The following DLG2 variants were observed in gnomAD, a reference collection of about 807,000 sequenced individuals.
The protein encoded by DLG2 is discs large MAGUK scaffold protein 2, also known as disks large homolog 2.
DLG2 carries 45 observed loss-of-function variants against 132.5 expected under a neutral mutation model. The ratio of observed to expected loss-of-function variants is 0.34; its 90% CI spans 0.27 to 0.44. The LOEUF (loss-of-function observed/expected upper bound fraction) is 0.44. DLG2 is among the 20% of genes least tolerant of loss of function. The probability of loss-of-function intolerance (pLI) is 1.00; values close to 1 mark genes in which losing one functional copy is unlikely to be tolerated. For missense variants in DLG2, 1,045 were observed against 1,196.9 expected (o/e 0.87, Z 1.87); for synonymous variants, 424 against 419.6 (o/e 1.01, Z -0.13).
intron 9 of DLG2, among the ~76,000 whole-genome samples, chr11:84,127,930 C>T (rs2094252567): frequency 6.6e-6 from 1 of 152,172 alleles, no homozygotes; most frequent in Non-Finnish European, 1.5e-5. Flanking sequence ...ACTTCAACAT[C>T]TTTTGGGAGG....
intron 3 of DLG2, among the ~76,000 whole-genome samples, chr11:85,334,650 T>C (rs2082003811): frequency 6.6e-6 from 1 of 152,134 alleles, no homozygotes; most frequent in South Asian, 2.1e-4. Context: ...TTCTAAAGAA[T>C]TGTTTGATTT....
At chr11:84,615,004 A>G (rs1225585650) in intron 6 of DLG2, among the ~76,000 whole-genome samples, 1 of 152,168 alleles carries the variant, frequency 6.6e-6, no homozygotes, top group Non-Finnish European at 1.5e-5. Context: ...CTCTTAAGTG[A>G]AAGCCACACT....
intron 5 of DLG2, among the ~76,000 whole-genome samples, chr11:85,135,110 T>G (rs2076059262): frequency 6.6e-6 from 1 of 152,214 alleles, no homozygotes; most frequent in South Asian, 2.1e-4. Flanking sequence ...CCTTATATCT[T>G]TATGTACCAG....
chr11:83,909,792 G>T (rs1213707522), intron 15 of DLG2, among the ~76,000 whole-genome samples: 6 of 152,118 alleles, frequency 3.9e-5, no homozygotes, highest in Non-Finnish European at 1.5e-5. Flanking sequence ...AGACAGTATT[G>T]CTCAAGGGTT....
chr11:84,639,240 G>A (rs2099648053), intron 6 of DLG2, among the ~76,000 whole-genome samples: 1 of 151,390 alleles, frequency 6.6e-6, no homozygotes, highest in South Asian at 2.1e-4. Flanking sequence ...GTTATTTTTT[G>A]AAATTGTTCA....
chr11:84,074,506 C>G (rs1279180040), intron 10 of DLG2, among the ~76,000 whole-genome samples: 1 of 151,690 alleles, frequency 6.6e-6, no homozygotes, highest in Non-Finnish European at 1.5e-5. Flanking sequence ...AATATATTCT[C>G]TAGACGGAAA....
intron 6 of DLG2, among the ~76,000 whole-genome samples, chr11:84,573,560 A>G (rs1056152803): frequency 1.3e-5 from 2 of 152,192 alleles, no homozygotes; most frequent in Admixed American, 1.3e-4. Context: ...CTGCTGAGAA[A>G]AAAAAGTTAT....
chr11:84,112,681 G>A (rs1208419545), intron 9 of DLG2, among the ~76,000 whole-genome samples: 2 of 152,064 alleles, frequency 1.3e-5, no homozygotes, highest in Non-Finnish European at 2.9e-5. Context: ...ATGGTAACAT[G>A]CGATTAACCA....
intron 17 of DLG2, among the ~76,000 whole-genome samples, chr11:83,803,186 T>G (rs1394021288): frequency 6.6e-6 from 1 of 152,150 alleles, no homozygotes; most frequent in Non-Finnish European, 1.5e-5. Flanking sequence ...GCCTTCTTTG[T>G]GCCAGTCATT....
At chr11:85,452,225 G>C (rs972924087) in intron 3 of DLG2, 1 of 151,574 alleles carries the variant, frequency 6.6e-6, no homozygotes, top group African/African-American at 2.4e-5. Flanking sequence ...CAAACATCTT[G>C]GGAAAAACAG....
At position 84,773,200 on chromosome 11, in the gene DLG2, G is replaced by T. The variant is rs185533150; in HGVS notation, c.358-238469C>A. Among the ~76,000 whole-genome samples the T allele has an allele frequency of 3.0e-3, 450 of 152,184 alleles. 3 individuals carry two copies. The highest frequency in any genetic ancestry group is 4.2e-3 in the Non-Finnish European group (287 of 68,006). ...TCTAAAGGAAATGGATAAATTCTTG[G>T]AAACATACAACCTCCCAAGAGTGAA... On this transcript the variant is annotated intron_variant, in intron 6 of 27. Coordinates refer to ENST00000376104, the MANE Select transcript of DLG2 (RefSeq NM_001142699.3).
chr11:83,739,252 C>A (rs1301437793), intron 18 of DLG2, among the ~76,000 whole-genome samples: 1 of 152,074 alleles, frequency 6.6e-6, no homozygotes, highest in Non-Finnish European at 1.5e-5. Flanking sequence ...CCATAAGAAT[C>A]TTTTGTGCTA....
chr11:84,292,542 T>C (rs1482406371), intron 7 of DLG2, among the ~76,000 whole-genome samples: 2 of 152,184 alleles, frequency 1.3e-5, no homozygotes, highest in African/African-American at 4.8e-5. Context: ...AGCAAGCCCT[T>C]TGGCTGCCTA....
intron 4 of DLG2, among the ~76,000 whole-genome samples, chr11:85,194,296 G>A (rs1412763374): frequency 1.3e-5 from 2 of 152,118 alleles, no homozygotes; most frequent in Non-Finnish European, 2.9e-5. Flanking sequence ...CCAACTCCAA[G>A]CCAATCTTAG....
chr11:84,782,438 C>CCA (rs10599798), intron 6 of DLG2, among the ~76,000 whole-genome samples: 6,087 of 147,996 alleles, frequency 0.041, 149 homozygotes, highest in Middle Eastern at 0.083. Context: ...ACTACCCCTA[C>CCA]CACACACACA....
intron 6 of DLG2, among the ~76,000 whole-genome samples, chr11:84,665,222 A>T (rs1222628480): frequency 1.3e-5 from 2 of 152,156 alleles, no homozygotes; most frequent in African/African-American, 4.8e-5. Context: ...GATAATGATG[A>T]TATATAATAG....
chr11:84,613,930 C>T (rs1457994466), intron 6 of DLG2, among the ~76,000 whole-genome samples: 1 of 152,062 alleles, frequency 6.6e-6, no homozygotes, highest in Non-Finnish European at 1.5e-5. Flanking sequence ...TTTATAGATC[C>T]TCTCTTTCAT....
intron 7 of DLG2, among the ~76,000 whole-genome samples, chr11:84,260,261 A>G (rs1249327885): frequency 6.6e-6 from 1 of 152,178 alleles, no homozygotes; most frequent in Non-Finnish European, 1.5e-5. Flanking sequence ...GGTTTAGTCA[A>G]TGTGCCCCAT....
At chr11:85,621,904 A>G (rs981640904) in intron 2 of DLG2, among the ~76,000 whole-genome samples, 1 of 152,260 alleles carries the variant, frequency 6.6e-6, no homozygotes, top group Non-Finnish European at 1.5e-5. Flanking sequence ...AAGAAGTTGT[A>G]CTGTGGGTAA....
Sources: allele counts gnomAD v4.1 joint callset (sites outside exome capture counted in the v4.1 genomes callset), GRCh38; gene constraint gnomAD v4.1.1; transcripts MANE v1.5; gene names NCBI Gene and HGNC (gene_info 2026-07-23, HGNC 2026-07-21).